Variants in RPA1 observed in about 807,000 individuals in gnomAD.
RPA1 encodes the protein replication protein A 70 kDa DNA-binding subunit.
In RPA1, 49 loss-of-function variants were observed where a neutral mutation model predicts 83.0. That is an observed-to-expected ratio of 0.59 (90% CI 0.47 to 0.75). The LOEUF (loss-of-function observed/expected upper bound fraction) is 0.75, where lower values mean the gene tolerates loss of function less well. Ranked by LOEUF, RPA1 falls within the 30% of genes least tolerant of loss-of-function variation. The probability of loss-of-function intolerance (pLI) is 0.00; values close to 1 mark genes in which losing one functional copy is unlikely to be tolerated. For synonymous variants in RPA1, 279 were observed against 281.8 expected (o/e 0.99, Z 0.10); for missense variants, 693 against 776.1 (o/e 0.89, Z 1.27).
chr17:1,849,486 G>T (rs929821267), intron 4 of RPA1, among the ~76,000 whole-genome samples: 1 of 151,726 alleles, frequency 6.6e-6, no homozygotes, highest in African/African-American at 2.4e-5. Flanking sequence ...TATAGACGGG[G>T]TTTCACTGTG....
intron 6 of RPA1, among the ~76,000 whole-genome samples, chr17:1,874,985 G>A (rs1012019328): frequency 1.3e-5 from 2 of 152,158 alleles, no homozygotes; most frequent in Non-Finnish European, 2.9e-5. Context: ...TACGTGGTGC[G>A]TATAAAAGAA....
At chr17:1,850,016 AC>A (rs1483332993) in intron 4 of RPA1, among the ~76,000 whole-genome samples, 2 of 151,728 alleles carry the variant, frequency 1.3e-5, no homozygotes, top group African/African-American at 4.8e-5. Context: ...TACTGAAAAT[AC>A]AAAAATTAGC....
In RPA1 at chr17:1,899,144, G is replaced by C. The variant is rs1463953485; in HGVS notation, c.*1969G>C. 2.0e-5 allele frequency: 3 copies of C among 152,852 alleles called. No homozygotes were observed. The East Asian group carries it at 5.8e-4, about 29-fold the overall frequency. 9.5% of individuals were successfully genotyped at this position (152,852 alleles called of 1,614,324 possible). A position where few individuals can be genotyped will look rare whatever the true frequency, so the allele number is the denominator to read the frequency against. The stretch of plus-strand genomic sequence containing the variant: ...ATTGGGAACCCAGGGGCAGTGCCAG[G>C]GGGAGGGCTCCCTCGAGGAGGCTGT... On this transcript the variant is annotated 3_prime_UTR_variant, in exon 17 of 17. Coordinates refer to ENST00000254719, the MANE Select transcript of RPA1 (RefSeq NM_002945.5).
chr17:1,840,836 GC>G (rs1348560916), intron 1 of RPA1, among the ~76,000 whole-genome samples: 1 of 152,100 alleles, frequency 6.6e-6, no homozygotes, highest in Non-Finnish European at 1.5e-5. Flanking sequence ...GGAGGCTGAG[GC>G]GGGCAGATCA....
At chr17:1,842,596 G>A (rs1912095156) in intron 1 of RPA1, among the ~76,000 whole-genome samples, 1 of 152,164 alleles carries the variant, frequency 6.6e-6, no homozygotes, top group African/African-American at 2.4e-5. Flanking sequence ...CTAGAGATGT[G>A]CTAAGTGTTT....
intron 1 of RPA1, chr17:1,830,574 T>C: frequency 6.3e-6 from 1 of 158,820 alleles, no homozygotes; most frequent in East Asian, 1.8e-4. Flanking sequence ...AATCCAGCCC[T>C]TTTCCGTTTT....
chr17:1,875,512 C>G (rs1209732255), intron 6 of RPA1, 149 bp from the exon 7 acceptor site: 14 of 814,070 alleles, frequency 1.7e-5, no homozygotes, highest in Non-Finnish European at 2.6e-5. Flanking sequence ...ATCTGCGTAT[C>G]TCTTGCATAT....
In RPA1 at chr17:1,842,870, G is replaced by A. The variant is rs1912111546; in HGVS notation, c.84+17G>A. 2 of 1,612,600 alleles carry A rather than the reference G, an allele frequency of 1.2e-6. No homozygotes were observed. The highest frequency in any genetic ancestry group is 1.7e-6 in the Non-Finnish European group (2 of 1,178,776). On this transcript the variant is annotated intron_variant, in intron 2 of 16. Transcript: ENST00000254719. ...CAAGTCATCGTAAGTACCTGCGTATGTTATGTTCCATGTCAACTTCTTTGG... is the reference window on the plus strand; with the variant it reads ...CAAGTCATCGTAAGTACCTGCGTATATTATGTTCCATGTCAACTTCTTTGG...
chr17:1,892,238 C>T (rs927472176), intron 15 of RPA1, among the ~76,000 whole-genome samples: 4 of 152,192 alleles, frequency 2.6e-5, no homozygotes, highest in African/African-American at 9.7e-5. Context: ...AACTCCTGAC[C>T]TCATGATCTG....
chr17:1,891,335 C>T (rs960817305), intron 14 of RPA1, among the ~76,000 whole-genome samples: 2 of 152,216 alleles, frequency 1.3e-5, no homozygotes. Flanking sequence ...TCTCATGGAA[C>T]TCCTCCTAGG....
chr17:1,835,771 C>T (rs1281940853), intron 1 of RPA1, among the ~76,000 whole-genome samples: 3 of 152,036 alleles, frequency 2.0e-5, no homozygotes, highest in Admixed American at 6.6e-5. Context: ...GCACATTTTT[C>T]GTGTACTTTT....
rs541686227 is a variant in RPA1 at position 1,875,807 on chromosome 17, T to C, written c.587+14T>C. ...TTACCAGTCCAAGTGAGTTGTTGCA[T>C]AGAGTAAGTTCAGAGTGTACTTATG... On this transcript the variant is annotated intron_variant, in intron 7 of 16. Coordinates refer to ENST00000254719, the MANE Select transcript of RPA1 (RefSeq NM_002945.5). 88 of 1,611,172 alleles carry C rather than the reference T, an allele frequency of 5.5e-5. 1 individual carries two copies. The South Asian group carries it at 8.9e-4, about 16-fold the overall frequency.
chr17:1,834,298 C>A (rs1911727435), intron 1 of RPA1, among the ~76,000 whole-genome samples: 1 of 152,194 alleles, frequency 6.6e-6, no homozygotes, highest in Non-Finnish European at 1.5e-5. Context: ...CTTAAGCGAT[C>A]CTCTCGCCTC....
rs1369006814 is a variant in RPA1, at chr17:1,884,071, G to A, written c.1374+127G>A. The stretch of plus-strand genomic sequence containing the variant: ...TTACCCGGGGCTGTGACCTGAGCGT[G>A]GCATGGGGGTTGAGAATCACTGGCA... On this transcript the variant is annotated intron_variant, in intron 13 of 16. Transcript: ENST00000254719. The surrounding 1 kb of genome is among the most constrained non-coding windows in gnomAD (Gnocchi z 4.1). The A allele has an allele frequency of 2.3e-6, 3 of 1,298,294 alleles. No individual in the cohort carries two copies. In the African/African-American group the frequency reaches 4.4e-5, roughly 19 times the overall value. The allele number at this position is 1,298,294 out of a possible 1,614,324, so 80.4% of individuals were successfully genotyped here.
intron 5 of RPA1, among the ~76,000 whole-genome samples, chr17:1,856,788 T>TC (rs1186615509): frequency 2.0e-5 from 3 of 151,720 alleles, no homozygotes; most frequent in African/African-American, 7.2e-5. Context: ...TGCCTCAGCC[T>TC]CCCAAAGTGC....
chr17:1,861,967 T>C (rs1912989311), intron 5 of RPA1, among the ~76,000 whole-genome samples: 1 of 152,030 alleles, frequency 6.6e-6, no homozygotes, highest in Non-Finnish European at 1.5e-5. Context: ...TGGCGCGGTC[T>C]CGGTTGACTG....
At chr17:1,843,797 C>T in intron 2 of RPA1, 123 bp from the exon 3 acceptor site, 1 of 678,240 alleles carries the variant, frequency 1.5e-6, no homozygotes, top group Non-Finnish European at 2.6e-6. Context: ...ATTTAAGTGT[C>T]AAGAGAATGG....
chr17:1,844,124 C>A, intron 3 of RPA1, 126 bp downstream of exon 3: 1 of 704,274 alleles, frequency 1.4e-6, no homozygotes, highest in Non-Finnish European at 2.4e-6. Flanking sequence ...GTACTTCATT[C>A]AGACAGAATT....
chr17:1,879,812 G>A lies in RPA1; in HGVS notation c.1092+113G>A, dbSNP rs17292119. On this transcript the variant is annotated intron_variant, in intron 11 of 16. Transcript: ENST00000254719. ...ACACAGGAGGAGCTCCTGGAGTTGG[G>A]GGAGGGAGTGGTCTTATCCTATAGG... The A allele has an allele frequency of 2.0e-3, 2,682 of 1,316,130 alleles. 51 individuals carry two copies. The African/African-American group carries it at 0.034, about 17-fold the overall frequency. 81.5% of individuals were successfully genotyped at this position (1,316,130 alleles called of 1,614,324 possible).
Sources: allele counts gnomAD v4.1 joint callset (sites outside exome capture counted in the v4.1 genomes callset), GRCh38; gene constraint gnomAD v4.1.1; non-coding constraint Gnocchi (gnomAD v3.1); transcripts MANE v1.5; gene names NCBI Gene and HGNC (gene_info 2026-07-23, HGNC 2026-07-21).